The following MB21D2 variants were observed in gnomAD, a reference collection of about 807,000 sequenced individuals.
MB21D2 encodes Mab-21 domain containing 2.
MB21D2 carries 9 observed loss-of-function variants against 33.3 expected under a neutral mutation model. The observed-to-expected ratio is 0.27, with a 90% CI of 0.16 to 0.47. MB21D2 has a LOEUF of 0.47. Among genes scored for constraint, MB21D2 ranks in the 20% least tolerant of loss-of-function variants. MB21D2 has a pLI of 0.99. For synonymous variants in MB21D2, 241 were observed against 236.3 expected (o/e 1.02, Z -0.18); for missense variants, 540 against 624.6 (o/e 0.86, Z 1.44).
At chr3:192,910,692 CAT>C (rs1346895092) in intron 1 of MB21D2, among the ~76,000 whole-genome samples, 3 of 152,186 alleles carry the variant, frequency 2.0e-5, no homozygotes, top group African/African-American at 4.8e-5. Context: ...TAAATGTACA[CAT>C]ATGTCTGGGT....
Position 192,823,548 on chromosome 3 carries a change from G to A in MB21D2, c.212-23898C>T, listed in dbSNP as rs181826712. ...CGCATGCCTGTAATCCCAGCTACTC[G>A]GGAGGCTGAGGCAAGAGAATCGCTT... is the stretch of plus-strand genomic sequence containing the variant. On this transcript the variant is annotated intron_variant, in intron 1 of 1. Transcript: ENST00000392452. 8.6e-3 allele frequency among the ~76,000 whole-genome samples: 1,310 copies of A among 152,186 alleles called. 11 individuals are homozygous for A. Among genetic ancestry groups the A allele is most frequent in the Middle Eastern group, 0.024 (7 of 294 alleles).
intron 1 of MB21D2, among the ~76,000 whole-genome samples, chr3:192,845,278 G>A (rs180735225): frequency 2.2e-4 from 33 of 152,248 alleles, no homozygotes; most frequent in Admixed American, 1.3e-3. Context: ...AACTCCGACC[G>A]CTTTCATCAG....
chr3:192,874,571 C>T (rs1052444763), intron 1 of MB21D2, among the ~76,000 whole-genome samples: 3 of 152,186 alleles, frequency 2.0e-5, no homozygotes, highest in African/African-American at 7.2e-5. Flanking sequence ...TCCAGTGCTT[C>T]CTGTCAAAAC....
chr3:192,858,127 AAAAAC>A (rs1712959258), intron 1 of MB21D2, among the ~76,000 whole-genome samples: 1 of 152,286 alleles, frequency 6.6e-6, no homozygotes, highest in Admixed American at 6.5e-5. Flanking sequence ...CTCTGTCTCA[AAAAAC>A]AAAACAAAAC....
intron 1 of MB21D2, among the ~76,000 whole-genome samples, chr3:192,814,673 T>A (rs574134398): frequency 1.2e-4 from 18 of 151,710 alleles, no homozygotes; most frequent in Non-Finnish European, 2.4e-4. Context: ...CCATCCTGGC[T>A]AACACGGTGA....
At chr3:192,815,255 A>G (rs1483439743) in intron 1 of MB21D2, among the ~76,000 whole-genome samples, 6 of 152,214 alleles carry the variant, frequency 3.9e-5, no homozygotes, top group South Asian at 2.1e-4. Flanking sequence ...CATGGTATGT[A>G]TGAGGTTGCT....
chr3:192,854,341 G>C (rs1712872760), intron 1 of MB21D2, among the ~76,000 whole-genome samples: 1 of 152,214 alleles, frequency 6.6e-6, no homozygotes, highest in African/African-American at 2.4e-5. Flanking sequence ...AATACCAAAA[G>C]CCAATGTCCA....
At chr3:192,885,568 C>T (rs527265779) in intron 1 of MB21D2, among the ~76,000 whole-genome samples, 13 of 152,160 alleles carry the variant, frequency 8.5e-5, no homozygotes, top group Admixed American at 8.5e-4. Flanking sequence ...ACACAACAGT[C>T]CTCTAAGAAG....
At chr3:192,871,021 A>C (rs887580231) in intron 1 of MB21D2, among the ~76,000 whole-genome samples, 17 of 152,206 alleles carry the variant, frequency 1.1e-4, no homozygotes, top group Admixed American at 3.3e-4. Context: ...GAATTGTAAC[A>C]TGGGGATAAG....
intron 1 of MB21D2, among the ~76,000 whole-genome samples, chr3:192,896,181 AG>A (rs796952323): frequency 5.3e-5 from 8 of 152,350 alleles, no homozygotes; most frequent in African/African-American, 1.9e-4. Context: ...TAAAATTAAA[AG>A]ATGAAACATT....
At chr3:192,869,379 G>A (rs1194089850) in intron 1 of MB21D2, among the ~76,000 whole-genome samples, 2 of 150,076 alleles carry the variant, frequency 1.3e-5, no homozygotes, top group African/African-American at 2.5e-5. Context: ...AGAAGGGAAG[G>A]AGAAGTGGAA....
intron 1 of MB21D2, among the ~76,000 whole-genome samples, chr3:192,892,528 C>T (rs1031079892): frequency 6.6e-6 from 1 of 152,184 alleles, no homozygotes; most frequent in South Asian, 2.1e-4. Context: ...GCAACCTCTG[C>T]CTCCCAGGTT....
intron 1 of MB21D2, among the ~76,000 whole-genome samples, chr3:192,841,822 C>A (rs1021645903): frequency 2.0e-5 from 3 of 152,188 alleles, no homozygotes; most frequent in Admixed American, 2.0e-4. Context: ...AGCAAGAAAT[C>A]CCTAAAGGTT....
chr3:192,804,937 C>T (rs1293745735), intron 1 of MB21D2, among the ~76,000 whole-genome samples: 1 of 152,172 alleles, frequency 6.6e-6, no homozygotes, highest in African/African-American at 2.4e-5. Context: ...CTTAATGACC[C>T]CAGTTGGAAA....
intron 1 of MB21D2, among the ~76,000 whole-genome samples, chr3:192,827,596 C>T (rs1182108456): frequency 6.6e-6 from 1 of 152,078 alleles, no homozygotes; most frequent in Non-Finnish European, 1.5e-5. Context: ...AGTTAAGTGG[C>T]TACTCAGGGG....
At chr3:192,842,919 CTG>C (rs1712605737) in intron 1 of MB21D2, among the ~76,000 whole-genome samples, 1 of 152,224 alleles carries the variant, frequency 6.6e-6, no homozygotes. Context: ...CTTTGGCAGA[CTG>C]TGTCTTTGAC....
chr3:192,916,107 T>TAG (rs1274054342), intron 1 of MB21D2, among the ~76,000 whole-genome samples: 1 of 148,496 alleles, frequency 6.7e-6, no homozygotes, highest in Non-Finnish European at 1.5e-5. Flanking sequence ...TTTATATATA[T>TAG]ATATATATAT....
intron 1 of MB21D2, among the ~76,000 whole-genome samples, chr3:192,835,365 A>G (rs1211607671): frequency 1.3e-5 from 2 of 149,220 alleles, no homozygotes; most frequent in Non-Finnish European, 3.0e-5. Context: ...TTGAGGCAAG[A>G]GAATGGCGTG....
At chr3:192,844,372 A>T (rs1041108945) in intron 1 of MB21D2, among the ~76,000 whole-genome samples, 1 of 152,202 alleles carries the variant, frequency 6.6e-6, no homozygotes, top group Non-Finnish European at 1.5e-5. Context: ...CCCTGTCATG[A>T]GATGGATGCT....
Sources: allele counts gnomAD v4.1 joint callset (sites outside exome capture counted in the v4.1 genomes callset), GRCh38; gene constraint gnomAD v4.1.1; transcripts MANE v1.5; gene names NCBI Gene and HGNC (gene_info 2026-07-23, HGNC 2026-07-21).